The following WWOX variants were observed in gnomAD, a reference collection of about 807,000 sequenced individuals.
The protein encoded by WWOX is WW domain-containing oxidoreductase.
In WWOX, 69 loss-of-function variants were observed where a neutral mutation model predicts 46.2. The ratio of observed to expected loss-of-function variants is 1.49; its 90% CI spans 1.23 to 1.82. The LOEUF is 1.82. WWOX is among the 40% of genes most tolerant of loss of function. The pLI is 0.00. For synonymous variants in WWOX, 359 were observed against 202.6 expected, an observed-to-expected ratio of 1.77 and a Z score of -6.56; for missense variants, 919 against 542.6, an observed-to-expected ratio of 1.69 and a Z score of -6.89.
chr16:78,114,619 A>G (rs72802909), intron 3 of WWOX, among the ~76,000 whole-genome samples: 1 of 152,070 alleles, frequency 6.6e-6, no homozygotes, highest in African/African-American at 2.4e-5. Flanking sequence ...ATTGAAATCT[A>G]CTGAAAAGAG....
chr16:78,290,354 C>T (rs2079841602), intron 5 of WWOX, among the ~76,000 whole-genome samples: 1 of 126,450 alleles, frequency 7.9e-6, no homozygotes, highest in Admixed American at 1.0e-4. Flanking sequence ...TACCATTAAT[C>T]TAGAAACATA....
intron 8 of WWOX, among the ~76,000 whole-genome samples, chr16:78,503,174 C>T (rs1309943505): frequency 2.0e-5 from 3 of 152,054 alleles, no homozygotes; most frequent in African/African-American, 7.2e-5. Context: ...TATGTCTGAC[C>T]CCAGGAAATT....
intron 5 of WWOX, among the ~76,000 whole-genome samples, chr16:78,327,260 G>A (rs2080645142): frequency 6.6e-6 from 1 of 152,162 alleles, no homozygotes; most frequent in East Asian, 1.9e-4. Flanking sequence ...AAATCACTCT[G>A]TCATCATATG....
At chr16:78,226,866 T>C (rs1345895495) in intron 5 of WWOX, among the ~76,000 whole-genome samples, 1 of 152,200 alleles carries the variant, frequency 6.6e-6, no homozygotes, top group Admixed American at 6.5e-5. Flanking sequence ...TCCAGATAGA[T>C]TCATAGCGCT....
At chr16:78,985,989 G>T (rs1012460231) in intron 8 of WWOX, among the ~76,000 whole-genome samples, 2 of 152,182 alleles carry the variant, frequency 1.3e-5, no homozygotes, top group Non-Finnish European at 2.9e-5. Flanking sequence ...ACAATGCACT[G>T]TGCTGACCTC....
rs376279847 is a variant in WWOX at position 78,424,882 on chromosome 16, G to C, written c.618G>C (p.Val206=). The part of the protein sequence containing the change: ...AFKAKNVPLH[V]LVCNAATFAL... The stretch of plus-strand genomic sequence containing the variant: ...TTTTATTTTTCAGGCCTCTTCATGT[G>C]CTTGTGTGCAACGCAGCAACTTTTG... Residue 206 remains valine (V), a synonymous_variant, in exon 7 of 9, where the codon GTG becomes GTC. Coordinates refer to ENST00000566780, the MANE Select transcript of WWOX (RefSeq NM_016373.4). 33 of 1,614,060 alleles carry C rather than the reference G, an allele frequency of 2.0e-5. No individual in the cohort carries two copies. The African/African-American group carries it at 3.2e-4, about 16-fold the overall frequency.
At chr16:78,628,724 A>C (rs906376969) in intron 8 of WWOX, among the ~76,000 whole-genome samples, 4 of 152,128 alleles carry the variant, frequency 2.6e-5, no homozygotes, top group Admixed American at 2.6e-4. Flanking sequence ...CACTGTTTTA[A>C]ATTCAGGGTT....
At chr16:78,930,708 A>G (rs2045605712) in intron 8 of WWOX, among the ~76,000 whole-genome samples, 1 of 152,032 alleles carries the variant, frequency 6.6e-6, no homozygotes, top group African/African-American at 2.4e-5. Context: ...AAAGAGCAGA[A>G]TGAAAAAATG....
At chr16:78,453,633 T>G (rs2083744645) in intron 8 of WWOX, among the ~76,000 whole-genome samples, 1 of 152,096 alleles carries the variant, frequency 6.6e-6, no homozygotes, top group Admixed American at 6.5e-5. Context: ...CCCTGCTATT[T>G]TTATCCTGAA....
chr16:78,217,980 A>C (rs1056760389), intron 5 of WWOX, among the ~76,000 whole-genome samples: 1 of 152,084 alleles, frequency 6.6e-6, no homozygotes. Context: ...TTTCCACAAA[A>C]AGCAGAGGCC....
chr16:79,171,970 A>G (rs1017856045), intron 8 of WWOX, among the ~76,000 whole-genome samples: 2 of 152,190 alleles, frequency 1.3e-5, no homozygotes, highest in Non-Finnish European at 2.9e-5. Flanking sequence ...TTTCAGATGC[A>G]GTTGGCAGTT....
At chr16:78,542,835 A>T (rs1011746359) in intron 8 of WWOX, among the ~76,000 whole-genome samples, 1 of 152,084 alleles carries the variant, frequency 6.6e-6, no homozygotes, top group Non-Finnish European at 1.5e-5. Context: ...GAAAATTGAG[A>T]TGGGATTCTC....
In WWOX at chr16:79,022,799, G is replaced by C. The variant is rs1000433599; in HGVS notation, c.1057-188809G>C. On this transcript the variant is annotated intron_variant, in intron 8 of 8. Transcript: ENST00000566780. ...CAGCGGCTTTGCTCAGAAGCACCCA[G>C]GGATGATGGAAAAGGCAACCGAAAG... Among the ~76,000 whole-genome samples the C allele has an allele frequency of 5.9e-5, 9 of 152,302 alleles. No individual in the cohort carries two copies. The East Asian group carries it at 1.7e-3, about 29-fold the overall frequency.
chr16:78,895,989 T>C (rs367665832), intron 8 of WWOX: 2 of 152,208 alleles, frequency 1.3e-5, no homozygotes, highest in East Asian at 3.9e-4. Flanking sequence ...AATTCCACTG[T>C]CTTTTTTGAG....
At chr16:78,619,204 T>C (rs1484978574) in intron 8 of WWOX, among the ~76,000 whole-genome samples, 14 of 52,384 alleles carry the variant, frequency 2.7e-4, no homozygotes, top group Non-Finnish European at 3.6e-4. Flanking sequence ...TATATATATA[T>C]ATATATATAT....
intron 5 of WWOX, among the ~76,000 whole-genome samples, chr16:78,273,668 G>C (rs2079524176): frequency 6.6e-6 from 1 of 152,196 alleles, no homozygotes. Flanking sequence ...ATTGCAGTGA[G>C]TACAGGGAGG....
chr16:79,133,639 C>T (rs2049925657), intron 8 of WWOX, among the ~76,000 whole-genome samples: 1 of 152,102 alleles, frequency 6.6e-6, no homozygotes, highest in Non-Finnish European at 1.5e-5. Flanking sequence ...CTAAGTGCTA[C>T]TTTATATTTC....
rs2081048271 is a variant in WWOX, at chr16:78,343,454, A to C, written c.517-43406A>C. Among the ~76,000 whole-genome samples, 2 of 120,908 alleles carry C rather than the reference A, an allele frequency of 1.7e-5. 1 individual carries two copies. The highest frequency in any genetic ancestry group is 5.6e-5 in the African/African-American group (2 of 35,660). The allele number at this position is 120,908 out of a possible 152,430, so 79.3% of individuals were successfully genotyped here. On this transcript the variant is annotated intron_variant, in intron 5 of 8. Coordinates refer to ENST00000566780, the MANE Select transcript of WWOX (RefSeq NM_016373.4). ...AGGCACCATTTTTGGTGGGACCTGA[A>C]GATGTATATCCCTTGTTTTCAGATT...
chr16:78,381,193 A>G (rs1340245307), intron 5 of WWOX, among the ~76,000 whole-genome samples: 1 of 152,234 alleles, frequency 6.6e-6, no homozygotes, highest in Non-Finnish European at 1.5e-5. Flanking sequence ...GGTTTCAGGC[A>G]GTATCGCATC....
Sources: gnomAD v4.1 joint callset for allele counts (sites outside exome capture counted in the v4.1 genomes callset) on GRCh38, gnomAD v4.1.1 for gene constraint, MANE v1.5 for transcripts, NCBI Gene and HGNC (gene_info 2026-07-23, HGNC 2026-07-21) for gene names.